IGF2R: variants seen among roughly 807,000 people sequenced by gnomAD.
The protein encoded by IGF2R is cation-independent mannose-6-phosphate receptor.
A neutral mutation model predicts 270.6 loss-of-function variants in IGF2R; 91 were observed. The ratio of observed to expected loss-of-function variants is 0.34; its 90% CI spans 0.28 to 0.40. The LOEUF is 0.40. IGF2R is among the 10% of genes least tolerant of loss of function. The probability of loss-of-function intolerance (pLI) is 1.00; values close to 1 mark genes in which losing one functional copy is unlikely to be tolerated. For synonymous variants in IGF2R, 1,316 were observed against 1,258.9 expected (o/e 1.05, Z -0.96); for missense variants, 2,805 against 3,188.3 (o/e 0.88, Z 2.90).
At chr6:160,098,160 G>A (rs1038153430) in intron 45 of IGF2R, among the ~76,000 whole-genome samples, 1 of 152,186 alleles carries the variant, frequency 6.6e-6, no homozygotes, top group Admixed American at 6.5e-5. Flanking sequence ...CTGGTCTTCT[G>A]TGTGGGTTTG....
In IGF2R at chr6:159,984,740, A is replaced by G. The variant is rs537470511; in HGVS notation, c.150-6444A>G. On this transcript the variant is annotated intron_variant, in intron 1 of 47. Transcript: ENST00000356956. Reference sequence around the variant, plus strand: ...CCTCATGACACATTTCTGATGACGTATCGCCATTAAGTGAGTGACTATAAA... The same window carrying G: ...CCTCATGACACATTTCTGATGACGTGTCGCCATTAAGTGAGTGACTATAAA... 2.0e-5 allele frequency among the ~76,000 whole-genome samples: 3 copies of G among 152,348 alleles called. No individual in the cohort carries two copies. The South Asian group carries it at 6.2e-4, about 32-fold the overall frequency.
At chr6:159,988,930 C>G (rs1783933647) in intron 1 of IGF2R, among the ~76,000 whole-genome samples, 2 of 152,076 alleles carry the variant, frequency 1.3e-5, no homozygotes, top group African/African-American at 2.4e-5. Flanking sequence ...AGGAAACAAG[C>G]CTTTATTGAT....
Position 160,084,983 on chromosome 6 carries a change from G to T in IGF2R, c.6069-12G>T. ...GCATGCCTTTTACCTGCCCCTTTGT[G>T]TCGTTTTCTAGGTACTATATAAATC... On this transcript the variant is annotated splice_polypyrimidine_tract_variant and intron_variant, in intron 40 of 47. Transcript: ENST00000356956. This position sits in a 1 kb window ranked among gnomAD's most constrained non-coding sequence, Gnocchi z 4.6. The T allele has an allele frequency of 6.2e-7, 1 of 1,608,206 alleles. No individual in the cohort carries two copies.
At chr6:160,021,614 A>G (rs1777436768) in intron 4 of IGF2R, among the ~76,000 whole-genome samples, 2 of 152,068 alleles carry the variant, frequency 1.3e-5, no homozygotes, top group South Asian at 4.1e-4. Flanking sequence ...TTAAAAAAAA[A>G]AGTTTAGGAA....
intron 11 of IGF2R, among the ~76,000 whole-genome samples, chr6:160,040,999 C>T (rs1366727370): frequency 3.9e-5 from 6 of 152,260 alleles, no homozygotes; most frequent in Admixed American, 3.9e-4. Flanking sequence ...AGCCTCTGCC[C>T]CCTGGGGTTC....
At chr6:160,052,243 G>C (rs992522779) in intron 19 of IGF2R, among the ~76,000 whole-genome samples, 4 of 152,082 alleles carry the variant, frequency 2.6e-5, no homozygotes, top group African/African-American at 9.7e-5. Flanking sequence ...AAAGTCTCAG[G>C]ATACAAAATC....
chr6:160,062,715 A>G (rs896130276), intron 26 of IGF2R, 96 bp downstream of exon 26: 2 of 835,832 alleles, frequency 2.4e-6, no homozygotes, highest in African/African-American at 3.5e-5. Context: ...GATAACAGCC[A>G]TAGCTGGGGT....
chr6:160,067,212 C>T lies in IGF2R; in HGVS notation c.4116-1037C>T, dbSNP rs75583246. ...CGGGTCATGTCGGGCTTATGTGCCT[C>T]GGGCCCTTTGCTCATGCTGTTCTCT... On this transcript the variant is annotated intron_variant, in intron 29 of 47. Coordinates refer to ENST00000356956, the MANE Select transcript of IGF2R (RefSeq NM_000876.4). 4.3e-3 allele frequency among the ~76,000 whole-genome samples: 654 copies of T among 152,216 alleles called. 3 individuals carry two copies. The highest frequency in any genetic ancestry group is 0.013 in the African/African-American group (526 of 41,526).
intron 20 of IGF2R, among the ~76,000 whole-genome samples, chr6:160,057,259 C>T (rs1023530319): frequency 2.0e-4 from 30 of 152,250 alleles, no homozygotes; most frequent in Non-Finnish European, 3.7e-4. Flanking sequence ...TTGTTGAGTG[C>T]ACCCTGCAGG....
chr6:160,044,681 A>G, intron 13 of IGF2R, 24 bp downstream of exon 13: 1 of 1,584,258 alleles, frequency 6.3e-7, no homozygotes, highest in Non-Finnish European at 8.6e-7. Flanking sequence ...AAAAGATGAA[A>G]TCTTTTCTGG....
Position 159,975,702 on chromosome 6 carries a change from A to ATATAT in IGF2R, c.149+6307_149+6308insTATAT, listed in dbSNP as rs61371802. ...TATATATTTATATATATATATATAT[A>ATATAT]AAGTATATGTATTGTGTATATATTA... On this transcript the variant is annotated intron_variant, in intron 1 of 47. Transcript: ENST00000356956. 6.2e-5 allele frequency among the ~76,000 whole-genome samples: 9 copies of ATATAT among 145,470 alleles called. No individual in the cohort carries two copies. The South Asian group carries it at 1.9e-3, about 31-fold the overall frequency.
At chr6:160,005,170 C>A (rs1013424483) in intron 2 of IGF2R, 1 of 152,400 alleles carries the variant, frequency 6.6e-6, no homozygotes, top group South Asian at 2.1e-4. Flanking sequence ...TGAAAAACAA[C>A]GAACAGCTTT....
rs544206754 is a variant in IGF2R, at chr6:159,998,702, A to G, written c.289+7379A>G. Among the ~76,000 whole-genome samples, 1 of 152,304 alleles carries G rather than the reference A, an allele frequency of 6.6e-6. No homozygotes were observed. Among genetic ancestry groups the G allele is most frequent in the East Asian group, 1.9e-4 (1 of 5,188 alleles). On this transcript the variant is annotated intron_variant, in intron 2 of 47. Transcript: ENST00000356956. This position sits in a 1 kb window ranked among gnomAD's most constrained non-coding sequence, Gnocchi z 4.1. ...CTTGAAACTTCCAGAGGGAGTCATC[A>G]TATATACTTTCAGGACTCTCAGTAA...
chr6:159,998,141 A>C lies in IGF2R; in HGVS notation c.289+6818A>C, dbSNP rs1337905042. Among the ~76,000 whole-genome samples the C allele has an allele frequency of 6.6e-6, 1 of 152,246 alleles. No homozygotes were observed. The highest frequency in any genetic ancestry group is 1.5e-5 in the Non-Finnish European group (1 of 68,046). On this transcript the variant is annotated intron_variant, in intron 2 of 47. Coordinates refer to ENST00000356956, the MANE Select transcript of IGF2R (RefSeq NM_000876.4). The surrounding 1 kb of genome is among the most constrained non-coding windows in gnomAD (Gnocchi z 4.1). ...TGTGCTCTTTTGAGAACTCACAGAG[A>C]AAGGCCACAAGTAATTCTGTTGGCC... is the stretch of plus-strand genomic sequence containing the variant.
intron 4 of IGF2R, among the ~76,000 whole-genome samples, chr6:160,018,585 C>T (rs1476306342): frequency 6.6e-6 from 1 of 152,034 alleles, no homozygotes; most frequent in Non-Finnish European, 1.5e-5. Context: ...AAACAAGTCT[C>T]AATAAATTGA....
rs568867616 is a variant in IGF2R, at chr6:160,063,701, A to G, written c.3886+71A>G. The G allele has an allele frequency of 2.8e-5, 33 of 1,182,334 alleles. 1 individual carries two copies. The South Asian group carries it at 4.2e-4, about 15-fold the overall frequency. The allele number at this position is 1,182,334 out of a possible 1,614,324, so 73.2% of individuals were successfully genotyped here. On this transcript the variant is annotated intron_variant, in intron 27 of 47. Transcript: ENST00000356956. ...AAAATATTAAAATATTTTGCTGAAG[A>G]TGAATTTTCCCTTGAGTCAGAAACA...
chr6:159,981,279 G>A (rs1045739518), intron 1 of IGF2R, among the ~76,000 whole-genome samples: 8 of 151,930 alleles, frequency 5.3e-5, no homozygotes, highest in African/African-American at 1.4e-4. Flanking sequence ...GTGAGTGCAC[G>A]AGTGTGTGAG....
Position 160,091,079 on chromosome 6 carries a change from A to G in IGF2R, c.6655+976A>G, listed in dbSNP as rs539126029. 2.7e-4 allele frequency among the ~76,000 whole-genome samples: 39 copies of G among 143,788 alleles called. 1 individual carries two copies. Among genetic ancestry groups the G allele is most frequent in the African/African-American group, 1.0e-3 (39 of 37,748 alleles). 94.3% of individuals were successfully genotyped at this position (143,788 alleles called of 152,430 possible). A position where few individuals can be genotyped will look rare whatever the true frequency, so the allele number is the denominator to read the frequency against. Reference sequence around the variant, plus strand: ...TGCTCTGTGCCCTGGTGCGGCTGAGAAGGAGCGGGTGCTCCGTGCCCTGGT... The same window carrying G: ...TGCTCTGTGCCCTGGTGCGGCTGAGGAGGAGCGGGTGCTCCGTGCCCTGGT... On this transcript the variant is annotated intron_variant, in intron 44 of 47. Transcript: ENST00000356956.
Position 160,088,114 on chromosome 6 carries a change from G to T in IGF2R, c.6287G>T (p.Cys2096Phe). ...GCATCCTCCGTGATAGAATTGACCT[G>T]TACAAAGACGGTGGGCAGACCTGCA... ...KTASSVIELT[C>F]TKTVGRPAFK... Residue 2096 changes from cysteine (C) to phenylalanine (F), a missense_variant, in exon 42 of 48, where the codon TGT becomes TTT. By Grantham distance (205) the Cys-to-Phe change is radical. This residue lies in a region of IGF2R where 1,851 missense variants were observed against 2,207.2 expected (regional missense o/e 0.84). Coordinates refer to ENST00000356956, the MANE Select transcript of IGF2R (RefSeq NM_000876.4). The T allele has an allele frequency of 1.2e-6, 2 of 1,613,254 alleles. No individual in the cohort carries two copies. The highest frequency in any genetic ancestry group is 1.7e-6 in the Non-Finnish European group (2 of 1,179,176).
Sources: allele counts gnomAD v4.1 joint callset (sites outside exome capture counted in the v4.1 genomes callset), GRCh38; gene constraint gnomAD v4.1.1; regional missense constraint gnomAD v4.1.1; non-coding constraint Gnocchi (gnomAD v3.1); transcripts MANE v1.5; gene names NCBI Gene and HGNC (gene_info 2026-07-23, HGNC 2026-07-21).